PTPRM: variants seen among roughly 807,000 people sequenced by gnomAD.
The protein encoded by PTPRM is receptor-type tyrosine-protein phosphatase mu.
PTPRM carries 47 observed loss-of-function variants against 186.7 expected under a neutral mutation model. That is an observed-to-expected ratio of 0.25 (90% CI 0.20 to 0.32). The LOEUF (loss-of-function observed/expected upper bound fraction) is 0.32. Ranked by LOEUF, PTPRM falls within the 10% of genes least tolerant of loss-of-function variation. PTPRM has a pLI of 1.00. For synonymous variants in PTPRM, 668 were observed against 674.9 expected (o/e 0.99, Z 0.16); for missense variants, 1,494 against 1,865.0 (o/e 0.80, Z 3.66).
chr18:8,352,704 C>G (rs1280577818), intron 23 of PTPRM, among the ~76,000 whole-genome samples: 2 of 147,058 alleles, frequency 1.4e-5, no homozygotes, highest in Admixed American at 1.4e-4. Flanking sequence ...TGGAGTCTCA[C>G]TCTGTCACCC....
chr18:7,784,567 TTATGTTTCAGCTTTTTATAAAAC>T (rs1444864921), intron 2 of PTPRM, among the ~76,000 whole-genome samples: 1 of 152,214 alleles, frequency 6.6e-6, no homozygotes, highest in East Asian at 1.9e-4. Flanking sequence ...GCACTAGAAA[TTATGTTTCAGCTTTTTATAAAAC>T]TATGTTTCAG....
At chr18:8,293,219 A>G (rs909332876) in intron 19 of PTPRM, among the ~76,000 whole-genome samples, 1 of 152,348 alleles carries the variant, frequency 6.6e-6, no homozygotes, top group African/African-American at 2.4e-5. Context: ...TTATTATTTC[A>G]TTTGTTGATT....
intron 1 of PTPRM, among the ~76,000 whole-genome samples, chr18:7,759,890 G>A (rs890289569): frequency 2.6e-5 from 4 of 152,094 alleles, no homozygotes; most frequent in South Asian, 2.1e-4. Flanking sequence ...AGAGTTGTAC[G>A]GAAACTATAA....
At chr18:8,000,255 A>G (rs747064704) in intron 7 of PTPRM, among the ~76,000 whole-genome samples, 2 of 152,202 alleles carry the variant, frequency 1.3e-5, no homozygotes, top group Non-Finnish European at 2.9e-5. Flanking sequence ...AGAATCATGA[A>G]TGCCAGGAAT....
At chr18:8,076,317 G>C (rs1218106257) in intron 8 of PTPRM, 138 bp from the exon 9 acceptor site, 1 of 598,638 alleles carries the variant, frequency 1.7e-6, no homozygotes. Context: ...TAAGATTCCA[G>C]ATTTTTAAAG....
At chr18:7,885,239 G>C (rs1421265735) in intron 2 of PTPRM, among the ~76,000 whole-genome samples, 1 of 152,056 alleles carries the variant, frequency 6.6e-6, no homozygotes, top group Non-Finnish European at 1.5e-5. Context: ...ATCATCTGAG[G>C]TTTGTCTTCT....
chr18:8,070,745 G>A (rs2089422113), intron 8 of PTPRM, among the ~76,000 whole-genome samples: 1 of 152,094 alleles, frequency 6.6e-6, no homozygotes, highest in Non-Finnish European at 1.5e-5. Context: ...AAAATACAAT[G>A]GTAGTATATC....
intron 3 of PTPRM, among the ~76,000 whole-genome samples, chr18:7,904,647 G>A (rs1285851165): frequency 6.6e-6 from 1 of 152,194 alleles, no homozygotes; most frequent in East Asian, 1.9e-4. Flanking sequence ...ATGGACCACA[G>A]TGTATTATTT....
At chr18:7,822,562 T>C (rs916200419) in intron 2 of PTPRM, among the ~76,000 whole-genome samples, 25 of 152,332 alleles carry the variant, frequency 1.6e-4, no homozygotes, top group Admixed American at 9.2e-4. Flanking sequence ...TTGCTCAGGC[T>C]CTTTGATGTG....
At chr18:8,194,290 T>G (rs532888616) in intron 14 of PTPRM, among the ~76,000 whole-genome samples, 1 of 152,354 alleles carries the variant, frequency 6.6e-6, no homozygotes, top group Admixed American at 6.5e-5. Context: ...GGTTTTGTAG[T>G]AAATGTGGTA....
chr18:7,963,261 C>A (rs772066479), intron 7 of PTPRM, among the ~76,000 whole-genome samples: 1 of 152,108 alleles, frequency 6.6e-6, no homozygotes, highest in Non-Finnish European at 1.5e-5. Flanking sequence ...GTGTTTAGGC[C>A]CCAGAGATTC....
chr18:8,275,032 A>G (rs2094817532), intron 19 of PTPRM, among the ~76,000 whole-genome samples: 1 of 152,242 alleles, frequency 6.6e-6, no homozygotes, highest in African/African-American at 2.4e-5. Context: ...AAGAAAATGC[A>G]TAAAAAATTA....
chr18:8,214,297 T>A (rs140471944), intron 14 of PTPRM, among the ~76,000 whole-genome samples: 1 of 152,202 alleles, frequency 6.6e-6, no homozygotes. Flanking sequence ...AGAAAACTTT[T>A]AAAAAATTAT....
Position 8,236,848 on chromosome 18 carries a change from G to A in PTPRM, c.2301-7210G>A, listed in dbSNP as rs149399275. On this transcript the variant is annotated intron_variant, in intron 14 of 32. Transcript: ENST00000580170. ...TGAGCCACCTAGTGCATAGCCTAAC[G>A]GGTATATTTAGACTACTGACATTTA... Among the ~76,000 whole-genome samples, 136 of 152,130 alleles carry A rather than the reference G, an allele frequency of 8.9e-4. 2 individuals are homozygous for A. The East Asian group carries it at 0.021, about 24-fold the overall frequency.
In PTPRM at chr18:8,152,166, A is replaced by G. The variant is rs2093024205; in HGVS notation, c.2300+8387A>G. ...TCAATACTCCTTTAAAATTAAGTGG[A>G]GATGTTCACTGGGAGGTTGAATATG... On this transcript the variant is annotated intron_variant, in intron 14 of 32. Coordinates refer to ENST00000580170, the MANE Select transcript of PTPRM (RefSeq NM_001105244.2). Among the ~76,000 whole-genome samples the G allele has an allele frequency of 2.0e-5, 3 of 152,140 alleles. No individual in the cohort carries two copies. The South Asian group carries it at 6.2e-4, about 32-fold the overall frequency.
chr18:8,311,519 T>C (rs1313585213), intron 20 of PTPRM, among the ~76,000 whole-genome samples: 1 of 152,100 alleles, frequency 6.6e-6, no homozygotes, highest in African/African-American at 2.4e-5. Context: ...GCATGTGACC[T>C]TGGGGAAAGG....
intron 7 of PTPRM, among the ~76,000 whole-genome samples, chr18:8,014,399 G>A (rs2084728967): frequency 6.6e-6 from 1 of 151,994 alleles, no homozygotes; most frequent in East Asian, 1.9e-4. Context: ...ACATTTTCCT[G>A]GATTAGTGAA....
chr18:8,389,161 A>C (rs2095796149), intron 31 of PTPRM, among the ~76,000 whole-genome samples: 1 of 152,192 alleles, frequency 6.6e-6, no homozygotes, highest in African/African-American at 2.4e-5. Flanking sequence ...TTTCTAAAAT[A>C]CTAAAAATAG....
intron 2 of PTPRM, among the ~76,000 whole-genome samples, chr18:7,882,219 G>T (rs2048545180): frequency 6.6e-6 from 1 of 151,878 alleles, no homozygotes; most frequent in South Asian, 2.1e-4. Flanking sequence ...AACAAATCTG[G>T]GGCTACCATG....
Sources: gnomAD v4.1 joint callset for allele counts (sites outside exome capture counted in the v4.1 genomes callset) on GRCh38, gnomAD v4.1.1 for gene constraint, MANE v1.5 for transcripts, NCBI Gene and HGNC (gene_info 2026-07-23, HGNC 2026-07-21) for gene names.